Variants in MARCHF1 observed in about 807,000 individuals in gnomAD.
MARCHF1 encodes membrane associated ring-CH-type finger 1.
A neutral mutation model predicts 54.2 loss-of-function variants in MARCHF1; 40 were observed. The observed-to-expected ratio is 0.74, with a 90% CI of 0.57 to 0.96. The LOEUF (loss-of-function observed/expected upper bound fraction) is 0.96. Ranked by LOEUF, MARCHF1 falls within the 40% of genes least tolerant of loss-of-function variation. MARCHF1 has a pLI of 0.00. For synonymous variants in MARCHF1, 236 were observed against 236.3 expected, an observed-to-expected ratio of 1.00 and a Z score of 0.01; for missense variants, 586 against 656.5, an observed-to-expected ratio of 0.89 and a Z score of 1.17.
intron 4 of MARCHF1, among the ~76,000 whole-genome samples, chr4:163,758,332 G>C (rs1002454250): frequency 1.1e-4 from 16 of 152,140 alleles, no homozygotes; most frequent in African/African-American, 3.9e-4. Flanking sequence ...TCACATCTTA[G>C]GTGCTTCAGG....
At chr4:164,112,500 C>T (rs1755854971) in intron 1 of MARCHF1, among the ~76,000 whole-genome samples, 1 of 151,696 alleles carries the variant, frequency 6.6e-6, no homozygotes, top group Non-Finnish European at 1.5e-5. Flanking sequence ...ATCATTTTTT[C>T]AAAGAATGTA....
chr4:164,270,620 T>C (rs982506090), intron 1 of MARCHF1, among the ~76,000 whole-genome samples: 1 of 152,204 alleles, frequency 6.6e-6, no homozygotes, highest in African/African-American at 2.4e-5. Context: ...AATCTACAAA[T>C]GTAATTCATT....
intron 1 of MARCHF1, among the ~76,000 whole-genome samples, chr4:164,147,951 G>C (rs1443512958): frequency 6.6e-6 from 1 of 151,704 alleles, no homozygotes; most frequent in East Asian, 1.9e-4. Context: ...ATATAGCAAA[G>C]TATAATCTAT....
At chr4:163,989,808 T>A (rs1248955071) in intron 2 of MARCHF1, among the ~76,000 whole-genome samples, 1 of 152,206 alleles carries the variant, frequency 6.6e-6, no homozygotes, top group East Asian at 1.9e-4. Context: ...CATTGTATAT[T>A]TTCTGCATAT....
At chr4:163,725,013 T>G (rs1745608127) in intron 4 of MARCHF1, among the ~76,000 whole-genome samples, 1 of 152,030 alleles carries the variant, frequency 6.6e-6, no homozygotes, top group Non-Finnish European at 1.5e-5. Context: ...GCACCTACTG[T>G]CCTGCCCCCA....
At chr4:163,811,812 A>G (rs529993954) in intron 4 of MARCHF1, among the ~76,000 whole-genome samples, 2 of 152,306 alleles carry the variant, frequency 1.3e-5, no homozygotes, top group African/African-American at 4.8e-5. Flanking sequence ...CAACAACTTA[A>G]TAGAGCTCAG....
chr4:164,185,791 C>T (rs1439774066), intron 1 of MARCHF1, among the ~76,000 whole-genome samples: 1 of 44,652 alleles, frequency 2.2e-5, no homozygotes, highest in Non-Finnish European at 7.0e-5. Context: ...AAACTAGTCA[C>T]ACACACACAC....
chr4:163,818,129 T>G (rs530941936), intron 4 of MARCHF1, among the ~76,000 whole-genome samples: 148 of 152,154 alleles, frequency 9.7e-4, no homozygotes, highest in African/African-American at 3.3e-3. Flanking sequence ...AGAAAGCCAC[T>G]TAGAAAGATA....
chr4:163,984,412 G>A (rs2110876181), intron 3 of MARCHF1, among the ~76,000 whole-genome samples: 1 of 152,284 alleles, frequency 6.6e-6, no homozygotes, highest in South Asian at 2.1e-4. Flanking sequence ...AATAACTCAT[G>A]TTTTGTTTTT....
At chr4:164,173,217 A>C (rs33988152) in intron 1 of MARCHF1, among the ~76,000 whole-genome samples, 35,673 of 152,090 alleles carry the variant, frequency 0.23, 5,535 homozygotes, top group African/African-American at 0.43. Context: ...TTTATTCTTG[A>C]AGTCTATAGT....
intron 1 of MARCHF1, among the ~76,000 whole-genome samples, chr4:164,232,774 G>C (rs1732448566): frequency 6.6e-6 from 1 of 152,126 alleles, no homozygotes; most frequent in African/African-American, 2.4e-5. Context: ...GAGTATTTAA[G>C]TTAGAGAAAT....
chr4:163,528,935 C>T lies in MARCHF1; in HGVS notation c.1451G>A (p.Arg484Lys). The change falls in exon 10 of 10, where the codon AGG becomes AAG. Residue 484 changes from arginine to lysine, a missense_variant. Physicochemically the swap from Arg to Lys is conservative, Grantham distance 26. This residue lies in a region of MARCHF1 where 106 missense variants were observed against 93.8 expected (regional missense o/e 1.13). Transcript: ENST00000514618. The part of the protein sequence containing the change: ...QCKVYVQLWR[R>K]LKAYNRVIFV... ...GATCACACGGTTGTAGGCCTTCAGC[C>T]TGCGCCACAACTGAACATAGACTTT... 6.2e-7 allele frequency: 1 copy of T among 1,613,352 alleles called. No homozygotes were observed. Among genetic ancestry groups the T allele is most frequent in the East Asian group, 2.2e-5 (1 of 44,856 alleles).
rs1243306188 is a variant in MARCHF1, at chr4:163,753,290, A to G, written c.112-52427T>C. On this transcript the variant is annotated intron_variant, in intron 4 of 9. Coordinates refer to ENST00000514618, the MANE Select transcript of MARCHF1 (RefSeq NM_001394959.1). ...TTATTATTATTATTTTTGCTTCATG[A>G]AGAATATTTTATGAAAAAAGACTAC... Among the ~76,000 whole-genome samples the G allele has an allele frequency of 2.6e-5, 4 of 152,060 alleles. No individual in the cohort carries two copies. The East Asian group carries it at 7.7e-4, about 29-fold the overall frequency.
chr4:164,017,799 A>G (rs1441674322), intron 2 of MARCHF1, among the ~76,000 whole-genome samples: 1 of 150,640 alleles, frequency 6.6e-6, no homozygotes, highest in African/African-American at 2.4e-5. Context: ...CACTCTAATT[A>G]TAAAGTTTAT....
At chr4:163,938,623 AC>A (rs1751849578) in intron 3 of MARCHF1, among the ~76,000 whole-genome samples, 1 of 152,120 alleles carries the variant, frequency 6.6e-6, no homozygotes, top group Non-Finnish European at 1.5e-5. Flanking sequence ...TGAAGGATGC[AC>A]CTGTACTAGT....
chr4:164,217,956 C>T (rs977565644), intron 1 of MARCHF1, among the ~76,000 whole-genome samples: 2 of 152,022 alleles, frequency 1.3e-5, no homozygotes, highest in African/African-American at 2.4e-5. Context: ...GATGGCCTAA[C>T]TTCTGCTATT....
intron 1 of MARCHF1, among the ~76,000 whole-genome samples, chr4:164,258,649 G>T (rs1733364218): frequency 6.6e-6 from 1 of 151,988 alleles, no homozygotes; most frequent in African/African-American, 2.4e-5. Flanking sequence ...CAAGGTTCAT[G>T]TTTTGATCAT....
chr4:163,579,469 T>C (rs781683751), intron 8 of MARCHF1, among the ~76,000 whole-genome samples: 1 of 152,208 alleles, frequency 6.6e-6, no homozygotes, highest in Non-Finnish European at 1.5e-5. Context: ...AGTAGCATAC[T>C]AGACTCCTCC....
At chr4:164,290,891 A>G (rs1734268736) in intron 1 of MARCHF1, among the ~76,000 whole-genome samples, 1 of 151,922 alleles carries the variant, frequency 6.6e-6, no homozygotes, top group Non-Finnish European at 1.5e-5. Context: ...AGCAAGGACA[A>G]AGAAAATCCA....
Sources: gnomAD v4.1 joint callset for allele counts (sites outside exome capture counted in the v4.1 genomes callset) on GRCh38, gnomAD v4.1.1 for gene constraint, gnomAD v4.1.1 regional missense constraint, MANE v1.5 for transcripts, NCBI Gene and HGNC (gene_info 2026-07-23, HGNC 2026-07-21) for gene names.